The following ANXA4 variants were observed in gnomAD, a reference collection of about 807,000 sequenced individuals.
ANXA4 encodes annexin A4.
In ANXA4, 39 loss-of-function variants were observed where a neutral mutation model predicts 49.8. The observed-to-expected ratio is 0.78, with a 90% CI of 0.61 to 1.02. ANXA4 has a LOEUF of 1.02. ANXA4 is among the 50% of genes least tolerant of loss of function. The pLI, the probability that ANXA4 is intolerant of heterozygous loss-of-function variation, is 0.00. For synonymous variants in ANXA4, 134 were observed against 152.5 expected, an observed-to-expected ratio of 0.88 and a Z score of 0.89; for missense variants, 360 against 410.1, an observed-to-expected ratio of 0.88 and a Z score of 1.05.
intron 2 of ANXA4, among the ~76,000 whole-genome samples, chr2:69,689,071 G>C (rs544116426): frequency 3.0e-4 from 45 of 152,054 alleles, no homozygotes; most frequent in African/African-American, 1.1e-3. Context: ...AATATATTGT[G>C]GTTCATACGA....
At chr2:69,652,839 A>T (rs1449824142) in intron 1 of ANXA4, among the ~76,000 whole-genome samples, 1 of 152,220 alleles carries the variant, frequency 6.6e-6, no homozygotes, top group Non-Finnish European at 1.5e-5. Flanking sequence ...AGCCTGGGCG[A>T]CAGAGCAAGA....
chr2:69,656,569 T>TC (rs1486182060), intron 2 of ANXA4, among the ~76,000 whole-genome samples: 1 of 147,568 alleles, frequency 6.8e-6, no homozygotes, highest in African/African-American at 2.5e-5. Context: ...TTTTTTTTTT[T>TC]TGAGATGGAG....
At chr2:69,799,376 G>T (rs1241174819) in intron 3 of ANXA4, among the ~76,000 whole-genome samples, 1 of 152,124 alleles carries the variant, frequency 6.6e-6, no homozygotes, top group African/African-American at 2.4e-5. Flanking sequence ...GTGAAGTTTG[G>T]CAATTACCCA....
chr2:69,648,562 G>A (rs921087976), intron 1 of ANXA4, among the ~76,000 whole-genome samples: 4 of 152,164 alleles, frequency 2.6e-5, no homozygotes, highest in Non-Finnish European at 2.9e-5. Flanking sequence ...GCTGGCTCAT[G>A]CCCGTAATCC....
chr2:69,738,206 G>A (rs1427869568), upstream of ANXA4, among the ~76,000 whole-genome samples: 2 of 152,094 alleles, frequency 1.3e-5, no homozygotes, highest in African/African-American at 2.4e-5. Flanking sequence ...CCCTGAGTGC[G>A]TGTGTAAGTG....
At chr2:69,768,224 C>T (rs1408551807) in intron 1 of ANXA4, among the ~76,000 whole-genome samples, 2 of 152,124 alleles carry the variant, frequency 1.3e-5, no homozygotes, top group South Asian at 2.1e-4. Context: ...ATAATAGTGA[C>T]AAAACACATA....
chr2:69,694,193 T>G (rs746310024), intron 2 of ANXA4, among the ~76,000 whole-genome samples: 41 of 151,992 alleles, frequency 2.7e-4, no homozygotes, highest in Non-Finnish European at 5.1e-4. Context: ...CTAAAGTGAA[T>G]GGGGTGAATG....
intron 1 of ANXA4, among the ~76,000 whole-genome samples, chr2:69,752,089 A>G (rs1670867637): frequency 6.6e-6 from 1 of 152,200 alleles, no homozygotes; most frequent in Non-Finnish European, 1.5e-5. Context: ...AGGAAGGTTT[A>G]TATTGAGCCA....
At chr2:69,801,156 C>T (rs532077657) in intron 3 of ANXA4, among the ~76,000 whole-genome samples, 1 of 152,166 alleles carries the variant, frequency 6.6e-6, no homozygotes, top group Non-Finnish European at 1.5e-5. Context: ...TTCTTTCTTA[C>T]TGTACACATG....
chr2:69,819,286 G>C lies in ANXA4; in HGVS notation c.731G>C (p.Cys244Ser), dbSNP rs761765026. The change falls in exon 11 of 13, where the codon TGC becomes TCC. Residue 244 changes from cysteine to serine, a missense_variant. Cys to Ser is a moderately radical substitution (Grantham distance 112). Transcript: ENST00000394295. ...CTTTTTTTTTCTTTGACAGTAAAGT[G>C]CATGAGGAACAAATCTGCATATTTT... ...FEDALLAIVK[C>S]MRNKSAYFAE... 1 of 1,604,012 alleles carries C rather than the reference G, an allele frequency of 6.2e-7. No homozygotes were observed. Among genetic ancestry groups the C allele is most frequent in the Admixed American group, 1.7e-5 (1 of 59,390 alleles).
intron 1 of ANXA4, among the ~76,000 whole-genome samples, chr2:69,756,931 A>T (rs1007899251): frequency 2.7e-5 from 3 of 109,398 alleles, no homozygotes; most frequent in Non-Finnish European, 1.9e-5. Context: ...TTAATTAATT[A>T]TTATTTTTTT....
intron 2 of ANXA4, among the ~76,000 whole-genome samples, chr2:69,671,663 C>T (rs1442942078): frequency 6.6e-6 from 1 of 152,136 alleles, no homozygotes; most frequent in Non-Finnish European, 1.5e-5. Context: ...GCAAAGGTTG[C>T]AGTAAGCTGA....
At chr2:69,644,165 T>TTCGCGCCCCC (rs1553424953), upstream of ANXA4, among the ~76,000 whole-genome samples, 4 of 21,142 alleles carry the variant, frequency 1.9e-4, no homozygotes, top group African/African-American at 5.1e-4. Context: ...ACAACTAAGT[T>TTCGCGCCCCC]CCCCCCCCCC....
chr2:69,672,621 A>T (rs1201022774), intron 2 of ANXA4, among the ~76,000 whole-genome samples: 1 of 152,202 alleles, frequency 6.6e-6, no homozygotes, highest in East Asian at 1.9e-4. Flanking sequence ...AAAACAGCAA[A>T]ACCAAACAAT....
intron 2 of ANXA4, among the ~76,000 whole-genome samples, chr2:69,712,068 G>C (rs953559149): frequency 1.1e-4 from 17 of 150,846 alleles, no homozygotes; most frequent in Non-Finnish European, 2.2e-4. Context: ...CTTTTCCTGG[G>C]GGGTCTTAGA....
chr2:69,711,725 TTTTG>T (rs756987458), intron 2 of ANXA4, among the ~76,000 whole-genome samples: 13 of 151,996 alleles, frequency 8.6e-5, no homozygotes, highest in African/African-American at 2.7e-4. Flanking sequence ...GTTTTTTGGG[TTTTG>T]TTTGTTTGGG....
At chr2:69,684,489 C>G (rs1361802770) in intron 2 of ANXA4, among the ~76,000 whole-genome samples, 3 of 151,654 alleles carry the variant, frequency 2.0e-5, no homozygotes, top group Non-Finnish European at 2.9e-5. Flanking sequence ...ATAAGATGAG[C>G]CTAGGCAACA....
intron 1 of ANXA4, among the ~76,000 whole-genome samples, chr2:69,647,054 A>G (rs1053539273): frequency 1.3e-5 from 2 of 152,250 alleles, no homozygotes; most frequent in Non-Finnish European, 2.9e-5. Flanking sequence ...TGTAACATGC[A>G]TGTTTGCTCA....
chr2:69,655,243 C>T (rs1676391991), intron 2 of ANXA4, among the ~76,000 whole-genome samples: 2 of 152,054 alleles, frequency 1.3e-5, no homozygotes, highest in Non-Finnish European at 2.9e-5. Context: ...AACAGGCAAC[C>T]TAGAGAATGG....
Sources: gnomAD v4.1 joint callset for allele counts (sites outside exome capture counted in the v4.1 genomes callset) on GRCh38, gnomAD v4.1.1 for gene constraint, MANE v1.5 for transcripts, NCBI Gene and HGNC (gene_info 2026-07-23, HGNC 2026-07-21) for gene names.